FBN1: variants seen among roughly 807,000 people sequenced by gnomAD.
The protein encoded by FBN1 is fibrillin-1.
A neutral mutation model predicts 365.1 loss-of-function variants in FBN1; 29 were observed. The ratio of observed to expected loss-of-function variants is 0.08; its 90% CI spans 0.06 to 0.11. The LOEUF is 0.11. Among genes scored for constraint, FBN1 ranks in the 10% least tolerant of loss-of-function variants. The pLI is 1.00. For synonymous variants in FBN1, 1,210 were observed against 1,270.5 expected, an observed-to-expected ratio of 0.95 and a Z score of 1.01; for missense variants, 2,476 against 3,703.2, an observed-to-expected ratio of 0.67 and a Z score of 8.60.
At chr15:48,504,605 T>A (rs1428450291) in intron 16 of FBN1, among the ~76,000 whole-genome samples, 1 of 152,222 alleles carries the variant, frequency 6.6e-6, no homozygotes, top group East Asian at 1.9e-4. Context: ...TTATAAAGCC[T>A]CATAAAACTA....
At chr15:48,480,677 T>C (rs547828190) in intron 32 of FBN1, among the ~76,000 whole-genome samples, 2 of 152,292 alleles carry the variant, frequency 1.3e-5, no homozygotes, top group East Asian at 3.9e-4. Flanking sequence ...TTGAAATATG[T>C]TGATATAATT....
chr15:48,410,594 C>G lies in FBN1; in HGVS notation c.*396G>C, dbSNP rs1258413108. The G allele has an allele frequency of 2.2e-5, 4 of 182,280 alleles. No individual in the cohort carries two copies. The allele number at this position is 182,280 out of a possible 1,614,324, so 11.3% of individuals were successfully genotyped here. On this transcript the variant is annotated 3_prime_UTR_variant, in exon 66 of 66. Transcript: ENST00000316623. Reference sequence around the variant, plus strand: ...GCACCAAATAGGTACCATAAATGGACAACCTAGTACTTGTATTTGGAGAAG... The same window carrying G: ...GCACCAAATAGGTACCATAAATGGAGAACCTAGTACTTGTATTTGGAGAAG...
intron 10 of FBN1, among the ~76,000 whole-genome samples, 176 bp from the exon 11 acceptor site, chr15:48,516,538 C>T (rs578064979): frequency 1.4e-3 from 216 of 152,254 alleles, no homozygotes; most frequent in Middle Eastern, 3.4e-3. Context: ...ATTTTTAATA[C>T]CTGCAGCAGC....
At chr15:48,465,454 G>T in intron 40 of FBN1, 114 bp downstream of exon 40, 1 of 1,256,626 alleles carries the variant, frequency 8.0e-7, no homozygotes, top group East Asian at 2.3e-5. Context: ...CTATGTTCGT[G>T]TTTAGAACAT....
intron 64 of FBN1, 95 bp downstream of exon 64, chr15:48,415,441 C>A: frequency 1.0e-6 from 1 of 953,178 alleles, no homozygotes; most frequent in South Asian, 1.4e-5. Context: ...AAGCATGGTT[C>A]TCCTCTGCTA....
intron 38 of FBN1, 46 bp downstream of exon 38, chr15:48,467,892 A>T: frequency 6.5e-7 from 1 of 1,542,048 alleles, no homozygotes; most frequent in Non-Finnish European, 9.0e-7. Context: ...AGAAAGGAGA[A>T]CTGGCTGGAG....
At chr15:48,479,761 A>T (rs1441726986) in intron 32 of FBN1, among the ~76,000 whole-genome samples, 2 of 152,206 alleles carry the variant, frequency 1.3e-5, no homozygotes, top group Non-Finnish European at 2.9e-5. Context: ...ATCTGTGCAA[A>T]TTCAACTACG....
intron 6 of FBN1, among the ~76,000 whole-genome samples, chr15:48,571,003 C>T (rs765613287): frequency 6.6e-6 from 1 of 152,116 alleles, no homozygotes; most frequent in Non-Finnish European, 1.5e-5. Flanking sequence ...AAGCAGAGTT[C>T]ACAAGCCCCA....
In FBN1 at chr15:48,534,077, T is replaced by C. The variant is rs1555401453; in HGVS notation, c.862+3A>G. ...CCCAACTGCAAAGCATAAGATTTCT[T>C]ACCTTCACATTTTTGTGACACTTCA... On this transcript the variant is annotated splice_donor_region_variant and intron_variant, in intron 8 of 65. Transcript: ENST00000316623. 2 of 1,612,210 alleles carry C rather than the reference T, an allele frequency of 1.2e-6. No homozygotes were observed. The highest frequency in any genetic ancestry group is 2.7e-5 in the African/African-American group (2 of 74,816).
At chr15:48,551,338 G>C (rs2044140240) in intron 6 of FBN1, among the ~76,000 whole-genome samples, 1 of 152,034 alleles carries the variant, frequency 6.6e-6, no homozygotes, top group South Asian at 2.1e-4. Context: ...CCCACAATCT[G>C]CAAGACACAC....
chr15:48,479,905 A>G (rs1335426194), intron 32 of FBN1, among the ~76,000 whole-genome samples: 3 of 152,198 alleles, frequency 2.0e-5, no homozygotes, highest in African/African-American at 7.2e-5. Context: ...ACAATGGACA[A>G]TAGATATAGA....
intron 4 of FBN1, among the ~76,000 whole-genome samples, chr15:48,601,937 G>A (rs1446066851): frequency 2.0e-5 from 3 of 152,082 alleles, no homozygotes; most frequent in African/African-American, 4.8e-5. Flanking sequence ...GGTATCTTTC[G>A]AGGCTCCTTG....
Position 48,579,031 on chromosome 15 carries a change from GAA to G in FBN1, c.538+17250_538+17251del, listed in dbSNP as rs112980113. On this transcript the variant is annotated intron_variant, in intron 6 of 65. Transcript: ENST00000316623. ...TAATAAAAATAAAAATAAAAAAGGG[GAA>G]AAAAAAAAAAAAAGAAATGCATCTC... is the stretch of plus-strand genomic sequence containing the variant. Among the ~76,000 whole-genome samples, 2,606 of 131,002 alleles carry G rather than the reference GAA, an allele frequency of 0.02. 194 individuals carry two copies. In the East Asian group the frequency reaches 0.25, roughly 13 times the overall value. 85.9% of individuals were successfully genotyped at this position (131,002 alleles called of 152,430 possible). A position where few individuals can be genotyped will look rare whatever the true frequency, so the allele number is the denominator to read the frequency against.
intron 9 of FBN1, among the ~76,000 whole-genome samples, chr15:48,524,003 C>T (rs2043885139): frequency 6.6e-6 from 1 of 152,108 alleles, no homozygotes; most frequent in Non-Finnish European, 1.5e-5. Flanking sequence ...GTTTGCAGGT[C>T]GTCTAGCCTG....
intron 6 of FBN1, among the ~76,000 whole-genome samples, chr15:48,542,845 T>A (rs1053313976): frequency 1.7e-4 from 26 of 151,210 alleles, no homozygotes; most frequent in Non-Finnish European, 1.5e-5. Flanking sequence ...TTTTTCCTTC[T>A]TTCTCTTTTC....
chr15:48,474,815 T>C (rs756575439), intron 32 of FBN1, among the ~76,000 whole-genome samples, 165 bp from the exon 33 acceptor site: 4 of 152,226 alleles, frequency 2.6e-5, no homozygotes, highest in Admixed American at 2.0e-4. Context: ...CAGCTTTAAA[T>C]TTCAAATTAT....
chr15:48,629,876 C>T (rs537928396), intron 2 of FBN1, among the ~76,000 whole-genome samples: 3 of 152,316 alleles, frequency 2.0e-5, no homozygotes, highest in East Asian at 3.9e-4. Flanking sequence ...TTTCTGTTTT[C>T]GTTCACTTGA....
intron 40 of FBN1, among the ~76,000 whole-genome samples, chr15:48,464,610 A>G (rs2043305805): frequency 6.6e-6 from 1 of 152,190 alleles, no homozygotes; most frequent in Admixed American, 6.5e-5. Flanking sequence ...TCTCCTAATA[A>G]ATTAACCTAT....
chr15:48,478,006 T>TATGCGCGATG (rs1183218689), intron 32 of FBN1, among the ~76,000 whole-genome samples: 7 of 152,148 alleles, frequency 4.6e-5, no homozygotes, highest in Non-Finnish European at 1.0e-4. Flanking sequence ...GGCCTCCTCT[T>TATGCGCGATG]ACAGTCACGC....
Sources: allele counts gnomAD v4.1 joint callset (sites outside exome capture counted in the v4.1 genomes callset), GRCh38; gene constraint gnomAD v4.1.1; transcripts MANE v1.5; gene names NCBI Gene and HGNC (gene_info 2026-07-23, HGNC 2026-07-21).